The following TMEM232 variants were observed in gnomAD, a reference collection of about 807,000 sequenced individuals.
TMEM232 encodes transmembrane protein 232.
In TMEM232, 80 loss-of-function variants were observed where a neutral mutation model predicts 78.8. The observed-to-expected ratio is 1.01, with a 90% CI of 0.85 to 1.22. The LOEUF is 1.22. Among genes scored for constraint, TMEM232 ranks in the 50% most tolerant of loss-of-function variants. TMEM232 has a pLI of 0.00. For missense variants in TMEM232, 881 were observed against 742.2 expected, an observed-to-expected ratio of 1.19 and a Z score of -2.17; for synonymous variants, 297 against 254.3, an observed-to-expected ratio of 1.17 and a Z score of -1.60.
At chr5:110,654,935 A>G (rs1788824315) in intron 2 of TMEM232, among the ~76,000 whole-genome samples, 1 of 152,038 alleles carries the variant, frequency 6.6e-6, no homozygotes, top group Non-Finnish European at 1.5e-5. Context: ...TCACTCACCT[A>G]AAAACCATAA....
chr5:110,462,900 T>C (rs1435004375), intron 12 of TMEM232, among the ~76,000 whole-genome samples: 1 of 152,206 alleles, frequency 6.6e-6, no homozygotes, highest in Non-Finnish European at 1.5e-5. Context: ...TTTGAACATA[T>C]GTGGAGTTGC....
Position 110,694,454 on chromosome 5 carries a change from A to T in TMEM232, c.-12-27090T>A, listed in dbSNP as rs575983633. Among the ~76,000 whole-genome samples the T allele has an allele frequency of 5.3e-5, 8 of 152,316 alleles. No homozygotes were observed. The South Asian group carries it at 1.2e-3, about 24-fold the overall frequency. On this transcript the variant is annotated intron_variant, in intron 1 of 13. Transcript: ENST00000455884. ...GACGGGATCAAATTCATACATAACAATATTAACCTTAAATGGAAATGGGCT... is the reference window on the plus strand; with the variant it reads ...GACGGGATCAAATTCATACATAACATTATTAACCTTAAATGGAAATGGGCT...
intron 12 of TMEM232, among the ~76,000 whole-genome samples, chr5:110,434,812 T>A (rs1758243776): frequency 6.6e-6 from 1 of 152,092 alleles, no homozygotes; most frequent in African/African-American, 2.4e-5. Context: ...TGCAAGTCAA[T>A]AAATGATTCA....
intron 10 of TMEM232, among the ~76,000 whole-genome samples, chr5:110,596,614 A>C (rs192813249): frequency 2.0e-5 from 3 of 152,344 alleles, no homozygotes; most frequent in Admixed American, 2.0e-4. Context: ...AAAAATCCTC[A>C]GTAAAATACT....
At chr5:110,446,830 C>T (rs73220726) in intron 12 of TMEM232, among the ~76,000 whole-genome samples, 2,524 of 152,096 alleles carry the variant, frequency 0.017, 81 homozygotes, top group African/African-American at 0.058. Flanking sequence ...TGCTGCATCC[C>T]TATAATAGCA....
At chr5:110,411,372 A>G (rs370241592) in intron 2 of TMEM232, among the ~76,000 whole-genome samples, 12 of 152,266 alleles carry the variant, frequency 7.9e-5, no homozygotes, top group South Asian at 4.1e-4. Context: ...TTTTCCATCA[A>G]TAAGGATTAT....
intron 2 of TMEM232, among the ~76,000 whole-genome samples, chr5:110,654,663 A>G (rs374202105): frequency 6.6e-6 from 1 of 152,260 alleles, no homozygotes; most frequent in South Asian, 2.1e-4. Context: ...ACTTTAAAGT[A>G]GTTTTTTCCA....
chr5:110,471,678 T>C (rs1325434120), intron 12 of TMEM232, among the ~76,000 whole-genome samples: 1 of 150,624 alleles, frequency 6.6e-6, no homozygotes, highest in African/African-American at 2.4e-5. Context: ...AGCAGACCAG[T>C]CCTTCATTAA....
intron 10 of TMEM232, among the ~76,000 whole-genome samples, chr5:110,585,485 G>A (rs893540525): frequency 3.9e-5 from 6 of 152,092 alleles, no homozygotes; most frequent in African/African-American, 1.4e-4. Context: ...GTAGAAAATT[G>A]TCAGGTTTTC....
At chr5:110,704,060 C>T (rs1186236635) in intron 1 of TMEM232, among the ~76,000 whole-genome samples, 2 of 152,078 alleles carry the variant, frequency 1.3e-5, no homozygotes, top group Non-Finnish European at 2.9e-5. Flanking sequence ...AGGGGATACG[C>T]TCCATTTCTG....
At chr5:110,464,887 C>T (rs922423982) in intron 12 of TMEM232, among the ~76,000 whole-genome samples, 3 of 152,134 alleles carry the variant, frequency 2.0e-5, no homozygotes, top group African/African-American at 7.2e-5. Flanking sequence ...CTATAGTTCA[C>T]TAAACTGCAT....
At chr5:110,653,828 G>T (rs1580520198) in intron 2 of TMEM232, among the ~76,000 whole-genome samples, 1 of 152,130 alleles carries the variant, frequency 6.6e-6, no homozygotes, top group Non-Finnish European at 1.5e-5. Flanking sequence ...AAGTGGAAAG[G>T]TTTATAATCC....
intron 1 of TMEM232, among the ~76,000 whole-genome samples, chr5:110,673,983 G>GT (rs900235396): frequency 1.3e-5 from 1 of 74,248 alleles, no homozygotes; most frequent in African/African-American, 5.7e-5. Flanking sequence ...AAATAAAGAG[G>GT]TAACATGAAA....
At chr5:110,580,875 G>C (rs1223863179) in intron 10 of TMEM232, among the ~76,000 whole-genome samples, 1 of 151,306 alleles carries the variant, frequency 6.6e-6, no homozygotes, top group African/African-American at 2.4e-5. Context: ...CCAACTAATA[G>C]TGGATGAGAG....
chr5:110,683,429 G>T (rs967686694), intron 1 of TMEM232, among the ~76,000 whole-genome samples: 3 of 151,594 alleles, frequency 2.0e-5, no homozygotes, highest in African/African-American at 4.8e-5. Context: ...TATATATAGA[G>T]AGAGAGTACA....
At chr5:110,638,044 C>T (rs377609823) in intron 5 of TMEM232, among the ~76,000 whole-genome samples, 154 bp downstream of exon 5, 3 of 151,826 alleles carry the variant, frequency 2.0e-5, no homozygotes, top group Non-Finnish European at 2.9e-5. Flanking sequence ...GCAATAATAA[C>T]GTACTACTCA....
chr5:110,471,111 A>C (rs546477989), intron 12 of TMEM232, among the ~76,000 whole-genome samples: 41 of 152,290 alleles, frequency 2.7e-4, no homozygotes, highest in South Asian at 1.2e-3. Flanking sequence ...AAAAAGTACA[A>C]TAGAGAGCTT....
intron 3 of TMEM232, among the ~76,000 whole-genome samples, chr5:110,393,964 A>G (rs1268533025): frequency 6.6e-6 from 1 of 151,594 alleles, no homozygotes; most frequent in Non-Finnish European, 1.5e-5. Flanking sequence ...ATCTCAAAAA[A>G]AAAAAAAAAA....
intron 12 of TMEM232, among the ~76,000 whole-genome samples, chr5:110,519,610 C>G (rs1337179995): frequency 6.6e-6 from 1 of 151,972 alleles, no homozygotes; most frequent in Non-Finnish European, 1.5e-5. Flanking sequence ...TTTCATCAAT[C>G]CCACTGTTGG....
Sources: gnomAD v4.1 joint callset for allele counts (sites outside exome capture counted in the v4.1 genomes callset) on GRCh38, gnomAD v4.1.1 for gene constraint, MANE v1.5 for transcripts, NCBI Gene and HGNC (gene_info 2026-07-23, HGNC 2026-07-21) for gene names.